DLGAP2: variants seen among roughly 807,000 people sequenced by gnomAD.
DLGAP2 encodes the protein DLG associated protein 2, also known as disks large-associated protein 2.
A neutral mutation model predicts 100.3 loss-of-function variants in DLGAP2; 26 were observed. That is an observed-to-expected ratio of 0.26 (90% CI 0.19 to 0.36). DLGAP2 has a LOEUF of 0.36. DLGAP2 is among the 10% of genes least tolerant of loss of function. DLGAP2 has a pLI of 1.00. For synonymous variants in DLGAP2, 886 were observed against 630.1 expected (o/e 1.41, Z -6.08); for missense variants, 1,858 against 1,453.2 (o/e 1.28, Z -4.53).
intron 3 of DLGAP2, among the ~76,000 whole-genome samples, chr8:1,262,827 A>G (rs1002148081): frequency 1.3e-5 from 2 of 152,108 alleles, no homozygotes; most frequent in African/African-American, 2.4e-5. Context: ...GCATGATACT[A>G]CTCGCTTTTC....
intron 2 of DLGAP2, among the ~76,000 whole-genome samples, chr8:1,177,309 T>G (rs1449674092): frequency 6.6e-6 from 1 of 152,128 alleles, no homozygotes; most frequent in Non-Finnish European, 1.5e-5. Flanking sequence ...TCTTGGAGTA[T>G]TTTTTGCTCA....
chr8:1,182,924 T>C (rs1195697196), intron 2 of DLGAP2, among the ~76,000 whole-genome samples: 1 of 152,082 alleles, frequency 6.6e-6, no homozygotes, highest in Non-Finnish European at 1.5e-5. Flanking sequence ...CGCACAGCCC[T>C]GCGGTGGCAT....
intron 7 of DLGAP2, among the ~76,000 whole-genome samples, chr8:1,630,224 T>G (rs1797607997): frequency 6.6e-6 from 1 of 151,996 alleles, no homozygotes; most frequent in Non-Finnish European, 1.5e-5. Flanking sequence ...ACGTAGTAGG[T>G]GAGAAGACTG....
chr8:1,145,365 T>G (rs993699787), intron 2 of DLGAP2, among the ~76,000 whole-genome samples: 1 of 152,200 alleles, frequency 6.6e-6, no homozygotes, highest in Admixed American at 6.5e-5. Flanking sequence ...AGCATGGGCT[T>G]GTTGGCTGCG....
chr8:1,612,536 C>G (rs1797014110), intron 6 of DLGAP2, among the ~76,000 whole-genome samples: 1 of 134,294 alleles, frequency 7.4e-6, no homozygotes. Flanking sequence ...CCAAAATTGA[C>G]AAATGGGATC....
At chr8:1,472,370 G>A (rs758355926) in intron 3 of DLGAP2, among the ~76,000 whole-genome samples, 1 of 152,216 alleles carries the variant, frequency 6.6e-6, no homozygotes, top group African/African-American at 2.4e-5. Context: ...CCCAAAGCGG[G>A]TGTGGCCCTT....
At chr8:1,367,250 C>T (rs967719613) in intron 3 of DLGAP2, among the ~76,000 whole-genome samples, 1 of 152,198 alleles carries the variant, frequency 6.6e-6, no homozygotes, top group African/African-American at 2.4e-5. Flanking sequence ...CTAGGAGTCA[C>T]CATAGGTGAC....
At chr8:1,090,873 A>G (rs1270112462) in intron 2 of DLGAP2, among the ~76,000 whole-genome samples, 1 of 152,248 alleles carries the variant, frequency 6.6e-6, no homozygotes, top group African/African-American at 2.4e-5. Context: ...ACTCACATGA[A>G]AATCATTTTC....
chr8:911,571 A>AGGATGTGT (rs1318408579), intron 2 of DLGAP2, among the ~76,000 whole-genome samples: 3 of 151,482 alleles, frequency 2.0e-5, no homozygotes, highest in Non-Finnish European at 4.4e-5. Flanking sequence ...ATATGTTGGA[A>AGGATGTGT]GGATGTGTGT....
intron 1 of DLGAP2, among the ~76,000 whole-genome samples, chr8:897,549 G>T (rs1434223487): frequency 2.0e-5 from 3 of 152,194 alleles, no homozygotes; most frequent in Admixed American, 1.3e-4. Context: ...ATAAACATGG[G>T]CGCCCGGTAA....
chr8:1,056,159 T>C (rs1248413884), intron 2 of DLGAP2, among the ~76,000 whole-genome samples: 1 of 152,240 alleles, frequency 6.6e-6, no homozygotes, highest in Non-Finnish European at 1.5e-5. Context: ...AATTCTCGTT[T>C]TAGGAAAAAA....
intron 2 of DLGAP2, among the ~76,000 whole-genome samples, chr8:925,073 A>G (rs1181343899): frequency 1.3e-5 from 2 of 152,098 alleles, no homozygotes; most frequent in Non-Finnish European, 2.9e-5. Context: ...GTGTATTGAT[A>G]ATTATGTTGA....
At chr8:1,436,117 G>C (rs966708974) in intron 3 of DLGAP2, among the ~76,000 whole-genome samples, 1 of 152,124 alleles carries the variant, frequency 6.6e-6, no homozygotes, top group African/African-American at 2.4e-5. Context: ...TTATTGAGGA[G>C]AATTGACTCA....
chr8:1,516,785 CAG>C (rs1563196927), intron 4 of DLGAP2, among the ~76,000 whole-genome samples: 1 of 151,744 alleles, frequency 6.6e-6, no homozygotes, highest in African/African-American at 2.4e-5. Flanking sequence ...GTGAGTGAAT[CAG>C]TGAGTGAGTG....
intron 12 of DLGAP2, 51 bp downstream of exon 12, chr8:1,678,680 G>A: frequency 7.0e-7 from 1 of 1,436,040 alleles, no homozygotes; most frequent in Non-Finnish European, 9.1e-7. Context: ...TCTCAGTAAT[G>A]CAAATATGCA....
chr8:1,390,707 G>A (rs2129809617), intron 3 of DLGAP2, among the ~76,000 whole-genome samples: 1 of 152,260 alleles, frequency 6.6e-6, no homozygotes, highest in East Asian at 1.9e-4. Flanking sequence ...TGGTGGTGAG[G>A]GAGGATCTTT....
At chr8:793,625 T>G (rs1020633525) in intron 1 of DLGAP2, among the ~76,000 whole-genome samples, 1 of 152,246 alleles carries the variant, frequency 6.6e-6, no homozygotes, top group Non-Finnish European at 1.5e-5. Context: ...TTCCTGGACT[T>G]GTTCTTCACA....
intron 3 of DLGAP2, among the ~76,000 whole-genome samples, chr8:1,441,270 T>C (rs1035923772): frequency 1.3e-5 from 2 of 152,234 alleles, no homozygotes; most frequent in African/African-American, 4.8e-5. Context: ...CTTATCGTTG[T>C]ATTTTAAAAT....
intron 2 of DLGAP2, chr8:1,250,526 G>C (rs190802960): frequency 3.3e-5 from 5 of 152,154 alleles, no homozygotes; most frequent in African/African-American, 4.8e-5. Flanking sequence ...CCGTGCATCC[G>C]TCTGGCCATG....
Sources: gnomAD v4.1 joint callset for allele counts (sites outside exome capture counted in the v4.1 genomes callset) on GRCh38, gnomAD v4.1.1 for gene constraint, MANE v1.5 for transcripts, NCBI Gene and HGNC (gene_info 2026-07-23, HGNC 2026-07-21) for gene names.